CARD8: variants seen among roughly 807,000 people sequenced by gnomAD.
CARD8 encodes the protein caspase recruitment domain-containing protein 8.
Under a neutral mutation model 53.2 loss-of-function variants are expected in CARD8, and 38 were observed. The observed-to-expected ratio is 0.71, with a 90% CI of 0.55 to 0.94. CARD8 has a LOEUF of 0.94. Among genes scored for constraint, CARD8 ranks in the 40% least tolerant of loss-of-function variants. CARD8 has a pLI of 0.00. For synonymous variants in CARD8, 245 were observed against 244.9 expected (o/e 1.00, Z 0.00); for missense variants, 561 against 655.5 (o/e 0.86, Z 1.57).
chr19:48,237,470 G>C (rs2044109899), intron 5 of CARD8, among the ~76,000 whole-genome samples: 1 of 151,968 alleles, frequency 6.6e-6, no homozygotes, highest in African/African-American at 2.4e-5. Context: ...ATTTGGAAGG[G>C]ACAAACATCC....
intron 10 of CARD8, among the ~76,000 whole-genome samples, chr19:48,229,851 G>A (rs968473182): frequency 6.6e-5 from 10 of 152,148 alleles, no homozygotes; most frequent in South Asian, 2.1e-4. Context: ...GGTGGCTCAC[G>A]CCTGTAATCC....
chr19:48,231,961 G>A, intron 7 of CARD8, 151 bp from the exon 8 acceptor site: 2 of 727,432 alleles, frequency 2.7e-6, no homozygotes, highest in Non-Finnish European at 4.9e-6. Flanking sequence ...TCGCTTCTTT[G>A]AATCCAGACA....
At chr19:48,217,350 G>C (rs907190414) in intron 12 of CARD8, among the ~76,000 whole-genome samples, 1 of 152,138 alleles carries the variant, frequency 6.6e-6, no homozygotes, top group African/African-American at 2.4e-5. Context: ...AAACTCAGTT[G>C]AAATTGTTGA....
chr19:48,227,105 A>C (rs933002027), intron 10 of CARD8, among the ~76,000 whole-genome samples: 1 of 151,842 alleles, frequency 6.6e-6, no homozygotes, highest in East Asian at 1.9e-4. Context: ...AAAAAAAAGA[A>C]AGAAAAGAAA....
At chr19:48,231,873 T>C in intron 7 of CARD8, 63 bp from the exon 8 acceptor site, 1 of 1,472,740 alleles carries the variant, frequency 6.8e-7, no homozygotes, top group Non-Finnish European at 9.5e-7. Context: ...CCTGAAGGAC[T>C]CCTGGAGGCT....
chr19:48,217,726 T>G (rs3826823), intron 12 of CARD8, among the ~76,000 whole-genome samples: 68,947 of 151,982 alleles, frequency 0.45, 16,924 homozygotes, highest in Non-Finnish European at 0.56. Flanking sequence ...ATCATTGTAG[T>G]TATTCAAACA....
chr19:48,214,279 C>G (rs1299347193), intron 13 of CARD8, among the ~76,000 whole-genome samples: 1 of 152,160 alleles, frequency 6.6e-6, no homozygotes, highest in African/African-American at 2.4e-5. Context: ...AAATGTCAGG[C>G]AACCATCAGG....
chr19:48,229,563 C>T (rs762135363), intron 10 of CARD8, among the ~76,000 whole-genome samples: 3 of 152,134 alleles, frequency 2.0e-5, no homozygotes, highest in African/African-American at 7.2e-5. Flanking sequence ...GAGCATTAGA[C>T]GGGGGGACGA....
intron 10 of CARD8, chr19:48,223,775 T>C (rs1237111871): frequency 2.2e-6 from 1 of 452,764 alleles, no homozygotes; most frequent in Non-Finnish European, 4.4e-6. Context: ...CATATGCACA[T>C]ATATTTTTCC....
intron 10 of CARD8, among the ~76,000 whole-genome samples, chr19:48,227,870 A>ATATAGAGC (rs2042101584): frequency 6.6e-6 from 1 of 152,058 alleles, no homozygotes; most frequent in South Asian, 2.1e-4. Context: ...TCGCAGGATC[A>ATATAGAGC]TATAGAGCAG....
intron 13 of CARD8, among the ~76,000 whole-genome samples, 167 bp from the exon 14 acceptor site, chr19:48,212,142 T>C (rs1054554682): frequency 6.6e-6 from 1 of 152,232 alleles, no homozygotes; most frequent in African/African-American, 2.4e-5. Context: ...AATATACCCT[T>C]TGCAGTATCA....
At chr19:48,235,251 G>A (rs571803959) in intron 5 of CARD8, among the ~76,000 whole-genome samples, 2 of 152,264 alleles carry the variant, frequency 1.3e-5, no homozygotes, top group Non-Finnish European at 2.9e-5. Context: ...TCAAGATTGA[G>A]GTTAGGAGTG....
intron 7 of CARD8, chr19:48,232,127 G>A (rs1460007369): frequency 9.1e-6 from 5 of 548,372 alleles, no homozygotes; most frequent in African/African-American, 7.6e-5. Context: ...CGAAATAGCA[G>A]AAGACACTTT....
At chr19:48,227,896 G>A (rs1000624771) in intron 10 of CARD8, among the ~76,000 whole-genome samples, 7 of 152,242 alleles carry the variant, frequency 4.6e-5, no homozygotes, top group Non-Finnish European at 7.4e-5. Flanking sequence ...CCCAACACCC[G>A]GGCCGCAGAC....
chr19:48,216,157 T>C (rs2009373), intron 12 of CARD8, among the ~76,000 whole-genome samples: 79,208 of 150,272 alleles, frequency 0.53, 21,023 homozygotes, highest in Admixed American at 0.57. Flanking sequence ...AAAAGCATGA[T>C]TGTGACACCT....
At chr19:48,237,527 C>T (rs900548604) in intron 5 of CARD8, among the ~76,000 whole-genome samples, 12 of 151,844 alleles carry the variant, frequency 7.9e-5, no homozygotes, top group African/African-American at 2.9e-4. Flanking sequence ...CTGGGTGCAG[C>T]GACTCACGCC....
intron 6 of CARD8, 126 bp from the exon 7 acceptor site, chr19:48,232,619 G>A: frequency 1.2e-6 from 1 of 810,078 alleles, no homozygotes; most frequent in South Asian, 1.4e-5. Context: ...ACCCGGATAT[G>A]CTATTTAAAT....
At chr19:48,207,828 C>T (rs559567428), downstream of CARD8, among the ~76,000 whole-genome samples, 1 of 149,412 alleles carries the variant, frequency 6.7e-6, no homozygotes, top group Admixed American at 6.8e-5. Context: ...CCCTGCCTCC[C>T]AGGCTCAAGT....
downstream of CARD8, among the ~76,000 whole-genome samples, chr19:48,207,734 G>GT (rs758903014): frequency 0.017 from 2,018 of 116,442 alleles, 116 homozygotes; most frequent in African/African-American, 0.063. Context: ...TTGTTTTTCT[G>GT]TTTTTTTTTT....
Sources: gnomAD v4.1 joint callset for allele counts (sites outside exome capture counted in the v4.1 genomes callset) on GRCh38, gnomAD v4.1.1 for gene constraint, MANE v1.5 for transcripts, NCBI Gene and HGNC (gene_info 2026-07-23, HGNC 2026-07-21) for gene names.